The following AP3B2 variants were observed in gnomAD, a reference collection of about 807,000 sequenced individuals.
The protein encoded by AP3B2 is adaptor related protein complex 3 subunit beta 2, also known as AP-3 complex subunit beta-2.
Under a neutral mutation model 126.9 loss-of-function variants are expected in AP3B2, and 50 were observed. The observed-to-expected ratio is 0.39, with a 90% CI of 0.31 to 0.50. The LOEUF is 0.50. Among genes scored for constraint, AP3B2 ranks in the 20% least tolerant of loss-of-function variants. AP3B2 has a pLI of 0.79. For missense variants in AP3B2, 1,177 were observed against 1,426.4 expected, an observed-to-expected ratio of 0.83 and a Z score of 2.82; for synonymous variants, 541 against 565.0, an observed-to-expected ratio of 0.96 and a Z score of 0.60.
intron 1 of AP3B2, among the ~76,000 whole-genome samples, chr15:82,696,719 G>C (rs2048633292): frequency 6.6e-6 from 1 of 152,214 alleles, no homozygotes; most frequent in African/African-American, 2.4e-5. Context: ...CATTCTGTGT[G>C]TGGAGCATGG....
intron 23 of AP3B2, 177 bp downstream of exon 23, chr15:82,662,517 G>C: frequency 1.4e-6 from 1 of 718,702 alleles, no homozygotes; most frequent in Non-Finnish European, 2.3e-6. Flanking sequence ...CCGCCCTGAT[G>C]TGAACTTGCT....
chr15:82,691,720 G>A, intron 1 of AP3B2: 2 of 1,533,762 alleles, frequency 1.3e-6, no homozygotes, highest in Non-Finnish European at 1.8e-6. Flanking sequence ...CCCATCACCT[G>A]TCTCAGTAGG....
chr15:82,668,766 A>G, intron 14 of AP3B2, among the ~76,000 whole-genome samples: 1 of 151,792 alleles, frequency 6.6e-6, no homozygotes, highest in East Asian at 1.9e-4. Flanking sequence ...GATGTGCAGG[A>G]ATTACAGGCT....
At chr15:82,671,143 C>T (rs117959961) in intron 14 of AP3B2, among the ~76,000 whole-genome samples, 13,274 of 152,040 alleles carry the variant, frequency 0.087, 865 homozygotes, top group East Asian at 0.33. Flanking sequence ...ATTAACGGGG[C>T]GTGGTGACGC....
intron 1 of AP3B2, among the ~76,000 whole-genome samples, chr15:82,707,834 ACCACAGAATCTG>A (rs1209443860): frequency 6.6e-6 from 1 of 152,088 alleles, no homozygotes; most frequent in Non-Finnish European, 1.5e-5. Context: ...ATCATCCCTT[ACCACAGAATCTG>A]CCTTCAGCTT....
chr15:82,663,899 C>T lies in AP3B2; in HGVS notation c.2338G>A (p.Asp780Asn). The change falls in exon 20 of 27, where the codon GAT becomes AAT. Residue 780 changes from aspartate (D) to asparagine (N), a missense_variant. By Grantham distance (23) the Asp-to-Asn change is conservative (BLOSUM62 1). Transcript: ENST00000535359. ...CTACTGCTGGAATCGCTGCCCTCAT[C>T]AGAGGATGACGCTTCTCCTTTTCTC... The part of the protein sequence containing the change: ...PERKGEASSS[D>N]EGSDSSSSSS... 3 of 1,613,354 alleles carry T rather than the reference C, an allele frequency of 1.9e-6. No homozygotes were observed. Among genetic ancestry groups the T allele is most frequent in the Non-Finnish European group, 1.7e-6 (2 of 1,179,868 alleles).
rs1242844571 is a variant in AP3B2, at chr15:82,681,144, C to T, written c.556G>A (p.Val186Ile). Residue 186 changes from valine to isoleucine, a missense_variant, in exon 6 of 27, where the codon GTC (valine) becomes ATC (isoleucine). Val to Ile is a conservative substitution (Grantham distance 29). Coordinates refer to ENST00000535359, the MANE Select transcript of AP3B2 (RefSeq NM_001278512.2). The surrounding 1 kb of genome is among the most constrained non-coding windows in gnomAD (Gnocchi z 4.0). The stretch of plus-strand genomic sequence containing the variant: ...TTGTCAGCCAGAAGCTTCTCAATGA[C>T]TTCTATCAGCTGATCCTTCTGGTCA... ...DSDQKDQLIE[V>I]IEKLLADKTT... is the part of the protein sequence containing the mutation. 1 of 1,613,090 alleles carries T rather than the reference C, an allele frequency of 6.2e-7. No individual in the cohort carries two copies. The highest frequency in any genetic ancestry group is 8.5e-7 in the Non-Finnish European group (1 of 1,179,516).
chr15:82,661,634 A>G (rs111296359), intron 25 of AP3B2, among the ~76,000 whole-genome samples, 191 bp downstream of exon 25: 22 of 152,358 alleles, frequency 1.4e-4, no homozygotes, highest in African/African-American at 5.0e-4. Context: ...CAACAGCCAC[A>G]GTCGTGTTGT....
rs2151429048 is a variant in AP3B2, at chr15:82,664,485, C to T, written c.2143G>A (p.Glu715Lys). 6.2e-7 allele frequency: 1 copy of T among 1,613,198 alleles called. No homozygotes were observed. The highest frequency in any genetic ancestry group is 1.1e-5 in the South Asian group (1 of 90,932). ...TTACTGTCCGATTCACTCTCAGACT[C>T]AGGGTCTGTGGAGGAACAATATGAG... ...GPTESADSDP[E>K]SESESDSKSS... Residue 715 changes from glutamate to lysine, a missense_variant, in exon 19 of 27, where the codon GAG becomes AAG. By Grantham distance (56) the Glu-to-Lys change is moderately conservative (BLOSUM62 1). Around this residue, in one of 5 missense-constraint regions of AP3B2, gnomAD observed 587 missense variants for 571.3 expected, o/e 1.03. Transcript: ENST00000535359. The surrounding 1 kb of genome is among the most constrained non-coding windows in gnomAD (Gnocchi z 4.5).
intron 4 of AP3B2, chr15:82,688,528 C>T: frequency 4.3e-6 from 3 of 703,988 alleles, no homozygotes; most frequent in Non-Finnish European, 5.2e-6. Flanking sequence ...CCCTGGGTAC[C>T]CACTTCATCT....
intron 23 of AP3B2, 111 bp from the exon 24 acceptor site, chr15:82,662,363 C>T: frequency 1.1e-6 from 1 of 871,884 alleles, no homozygotes. Context: ...GACCAGCCCT[C>T]TACAGAATCT....
At chr15:82,691,968 C>G (rs982027411) in intron 1 of AP3B2, 2 of 1,431,724 alleles carry the variant, frequency 1.4e-6, no homozygotes, top group African/African-American at 1.4e-5. Flanking sequence ...TTCTGCACAT[C>G]GGCATAACAG....
rs987833229 is a variant in AP3B2, at chr15:82,692,337, G to A, written c.114-2884C>T. On this transcript the variant is annotated intron_variant, in intron 1 of 26. Transcript: ENST00000535359. ...GTTGGAAGGCTCACCACGCAGATGC[G>A]CTCATCCGCCCAGCCCAACATCGGC... is the stretch of plus-strand genomic sequence containing the variant. 8 of 554,540 alleles carry A rather than the reference G, an allele frequency of 1.4e-5. No individual in the cohort carries two copies. In the Admixed American group the frequency reaches 2.3e-4, roughly 16 times the overall value. 34.4% of individuals were successfully genotyped at this position (554,540 alleles called of 1,614,324 possible).
intron 14 of AP3B2, among the ~76,000 whole-genome samples, chr15:82,675,815 G>A (rs1239769182): frequency 2.0e-5 from 3 of 152,262 alleles, no homozygotes; most frequent in South Asian, 2.1e-4. Flanking sequence ...TGTGGAAATC[G>A]TCATGGTGTT....
chr15:82,676,387 G>T (rs2048242618), intron 14 of AP3B2, 74 bp downstream of exon 14: 1 of 1,499,000 alleles, frequency 6.7e-7, no homozygotes, highest in Non-Finnish European at 9.1e-7. Context: ...CCCTGCCTAG[G>T]GAGGGCCAAA....
chr15:82,662,251 C>T lies in AP3B2; in HGVS notation c.2835G>A (p.Glu945=). 6.3e-7 allele frequency: 1 copy of T among 1,594,376 alleles called. No individual in the cohort carries two copies. The highest frequency in any genetic ancestry group is 8.5e-7 in the Non-Finnish European group (1 of 1,169,808). Residue 945 remains glutamate (E), a splice_region_variant and synonymous_variant, in exon 24 of 27, where the codon GAG becomes GAA. Transcript: ENST00000535359. ...GISIQEFPEI[E]SLAPGESATA... is the part of the protein sequence containing the mutation. ...TGGCAGATTCTCCAGGTGCCAGGGA[C>T]TCTGAAGTGGTATAAGGCAGTGAAG...
rs998726327 is a variant in AP3B2, at chr15:82,665,869, C to G, written c.1853-294G>C. Among the ~76,000 whole-genome samples, 7 of 152,212 alleles carry G rather than the reference C, an allele frequency of 4.6e-5. No homozygotes were observed. Among genetic ancestry groups the G allele is most frequent in the African/African-American group, 1.4e-4 (6 of 41,454 alleles). On this transcript the variant is annotated intron_variant, in intron 15 of 26. Transcript: ENST00000535359. The surrounding 1 kb of genome is among the most constrained non-coding windows in gnomAD (Gnocchi z 4.4). Reference sequence around the variant, plus strand: ...CACAGATGCTGCCGACCTGTCTGCTCAGCATGCACGTCTAGTCAGGCTCTG... The same window carrying G: ...CACAGATGCTGCCGACCTGTCTGCTGAGCATGCACGTCTAGTCAGGCTCTG...
intron 1 of AP3B2, 26 bp downstream of exon 1, chr15:82,709,568 G>T: frequency 2.0e-6 from 3 of 1,469,574 alleles, no homozygotes; most frequent in South Asian, 2.6e-5. Context: ...CAACCCTCCC[G>T]CGAGCTTCCT....
rs1042821316 is a variant in AP3B2, at chr15:82,709,793, T to C, written c.-87A>G. 17 of 1,125,254 alleles carry C rather than the reference T, an allele frequency of 1.5e-5. No homozygotes were observed. The highest frequency in any genetic ancestry group is 1.7e-5 in the Non-Finnish European group (14 of 846,238). The allele number at this position is 1,125,254 out of a possible 1,614,324, so 69.7% of individuals were successfully genotyped here. A position where few individuals can be genotyped will look rare whatever the true frequency, so the allele number is the denominator to read the frequency against. On this transcript the variant is annotated 5_prime_UTR_variant, in exon 1 of 27. Coordinates refer to ENST00000535359, the MANE Select transcript of AP3B2 (RefSeq NM_001278512.2). ...AGGAAGGGAAGGCGGGCCGGTCCGGTCCGGGCTGGCGAAGGCGGCGGCGCG... is the reference window on the plus strand; with the variant it reads ...AGGAAGGGAAGGCGGGCCGGTCCGGCCCGGGCTGGCGAAGGCGGCGGCGCG...
Sources: allele counts gnomAD v4.1 joint callset (sites outside exome capture counted in the v4.1 genomes callset), GRCh38; gene constraint gnomAD v4.1.1; regional missense constraint gnomAD v4.1.1; non-coding constraint Gnocchi (gnomAD v3.1); transcripts MANE v1.5; gene names NCBI Gene and HGNC (gene_info 2026-07-23, HGNC 2026-07-21).